The following OTOA variants were observed in gnomAD, a reference collection of about 807,000 sequenced individuals.
OTOA encodes the protein otoancorin.
Under a neutral mutation model 110.8 loss-of-function variants are expected in OTOA, and 70 were observed. The ratio of observed to expected loss-of-function variants is 0.63; its 90% CI spans 0.52 to 0.77. The LOEUF is 0.77. OTOA is among the 30% of genes least tolerant of loss of function. OTOA has a pLI of 0.00. For synonymous variants in OTOA, 373 were observed against 431.5 expected (o/e 0.86, Z 1.68); for missense variants, 917 against 1,075.8 (o/e 0.85, Z 2.06).
At chr16:21,708,832 T>G (rs538549879) in intron 12 of OTOA, among the ~76,000 whole-genome samples, 1 of 152,312 alleles carries the variant, frequency 6.6e-6, no homozygotes, top group Non-Finnish European at 1.5e-5. Flanking sequence ...GCTCATTGTA[T>G]AGTAGGTGAC....
chr16:21,715,168 C>G lies in OTOA; in HGVS notation c.1488+16C>G, dbSNP rs368341707. 4 of 1,613,916 alleles carry G rather than the reference C, an allele frequency of 2.5e-6. No homozygotes were observed. Among genetic ancestry groups the G allele is most frequent in the Non-Finnish European group, 3.4e-6 (4 of 1,179,938 alleles). ...CCTCAGCAAGGTGAGAGGAAGATGTCTGGTGCTCAGCCACATGTCACAGGG... is the reference window on the plus strand; with the variant it reads ...CCTCAGCAAGGTGAGAGGAAGATGTGTGGTGCTCAGCCACATGTCACAGGG... On this transcript the variant is annotated intron_variant, in intron 14 of 28. Coordinates refer to ENST00000646100, the MANE Select transcript of OTOA (RefSeq NM_144672.4).
intron 1 of OTOA, among the ~76,000 whole-genome samples, chr16:21,672,914 G>A (rs562502873): frequency 2.6e-5 from 4 of 152,230 alleles, no homozygotes; most frequent in Middle Eastern, 3.4e-3. Flanking sequence ...TTGGGAGGCC[G>A]AGATGGGAGG....
intron 21 of OTOA, among the ~76,000 whole-genome samples, chr16:21,732,815 C>T (rs1899159594): frequency 6.8e-6 from 1 of 146,638 alleles, no homozygotes; most frequent in Admixed American, 7.0e-5. Context: ...TTCAGAGTGA[C>T]AGTTACTTCT....
chr16:21,737,948 A>G (rs1227388110), intron 22 of OTOA, among the ~76,000 whole-genome samples: 193 of 152,278 alleles, frequency 1.3e-3, no homozygotes, highest in Admixed American at 2.1e-3. Flanking sequence ...TCCACCCAAC[A>G]AATATTCGTT....
chr16:21,697,972 C>A (rs1479905137), intron 10 of OTOA, 97 bp downstream of exon 10: 26 of 1,113,560 alleles, frequency 2.3e-5, no homozygotes, highest in Non-Finnish European at 3.4e-5. Context: ...AGTCAAGGTG[C>A]CTTGGAAATT....
intron 8 of OTOA, 54 bp from the exon 9 acceptor site, chr16:21,691,530 A>T: frequency 6.8e-7 from 1 of 1,471,288 alleles, no homozygotes; most frequent in Non-Finnish European, 9.5e-7. Flanking sequence ...CTCCCTTTTT[A>T]ATGCAGCCCC....
At chr16:21,694,474 A>G (rs1336720244) in intron 9 of OTOA, among the ~76,000 whole-genome samples, 1 of 151,932 alleles carries the variant, frequency 6.6e-6, no homozygotes, top group Admixed American at 6.6e-5. Flanking sequence ...AAATGTAAAA[A>G]CCACTTTTGG....
chr16:21,675,093 CTTTCTT>C (rs1966854907), intron 1 of OTOA, among the ~76,000 whole-genome samples: 1 of 128,592 alleles, frequency 7.8e-6, no homozygotes, highest in East Asian at 2.5e-4. Flanking sequence ...TTCTTTCTTT[CTTTCTT>C]TCTTTCTTTC....
In OTOA at chr16:21,717,060, AAC is replaced by A; in HGVS notation, c.1629+17_1629+18del. 5 of 1,614,006 alleles carry A rather than the reference AAC, an allele frequency of 3.1e-6. No homozygotes were observed. In the South Asian group the frequency reaches 4.4e-5, roughly 14 times the overall value. ...TGGAAGGAGCCAGGTATTACCATGA[AAC>A]ACAGATCGATCCTGTATTTCTGACT... On this transcript the variant is annotated intron_variant, in intron 15 of 28. Coordinates refer to ENST00000646100, the MANE Select transcript of OTOA (RefSeq NM_144672.4).
chr16:21,699,388 C>A (rs959253019), intron 10 of OTOA, among the ~76,000 whole-genome samples: 3 of 152,186 alleles, frequency 2.0e-5, no homozygotes, highest in Admixed American at 6.5e-5. Flanking sequence ...GTAATCCCAG[C>A]ACTTTGGGAG....
intron 20 of OTOA, chr16:21,729,540 A>G (rs1899041530): frequency 6.6e-6 from 1 of 152,132 alleles, no homozygotes; most frequent in Admixed American, 6.5e-5. Flanking sequence ...CATATTTTAC[A>G]TTAGGATTCA....
At chr16:21,734,692 C>T (rs1899227799) in intron 21 of OTOA, among the ~76,000 whole-genome samples, 1 of 151,644 alleles carries the variant, frequency 6.6e-6, no homozygotes. Context: ...AAAAAATTAG[C>T]CGGGCGTGGT....
At position 21,716,905 on chromosome 16, in the gene OTOA, AGATGGTCCAAGCG is replaced by A. The variant is rs1210565137; in HGVS notation, c.1490_1502del (p.Met497LysfsTer23). 1.2e-6 allele frequency: 2 copies of A among 1,613,766 alleles called. No individual in the cohort carries two copies. Among genetic ancestry groups the A allele is most frequent in the South Asian group, 2.2e-5 (2 of 91,078 alleles). ...TGTTTTGTTGCTTCTCGCTTCTGGCAGATGGTCCAAGCGGAAGACACTGCCCCAGGCATCGTGG... is the reference window on the plus strand; with the variant it reads ...TGTTTTGTTGCTTCTCGCTTCTGGCAGAAGACACTGCCCCAGGCATCGTGG... On this transcript the variant is annotated splice_acceptor_variant and coding_sequence_variant, in exon 15 of 29. Transcript: ENST00000646100. LOFTEE classifies it high-confidence loss of function.
At position 21,709,915 on chromosome 16, in the gene OTOA, A is replaced by G. The variant is rs1276817264; in HGVS notation, c.1132A>G (p.Met378Val). ...CAAAGCAGAACTCCTGGACATTGCC[A>G]TGGAGAACCAGACCCTCAATGAGAC... The part of the protein sequence containing the change: ...KLKAELLDIA[M>V]ENQTLNETLG... Residue 378 changes from methionine (M) to valine (V), a missense_variant, in exon 13 of 29, where the codon ATG (methionine) becomes GTG (valine). This residue lies in a region of OTOA where 840 missense variants were observed against 910.2 expected (regional missense o/e 0.92). Transcript: ENST00000646100. The G allele has an allele frequency of 4.3e-6, 7 of 1,613,878 alleles. No homozygotes were observed. Among genetic ancestry groups the G allele is most frequent in the South Asian group, 2.2e-5 (2 of 91,070 alleles).
intron 1 of OTOA, 40 bp from the exon 2 acceptor site, chr16:21,678,467 TATTA>T: frequency 8.9e-7 from 1 of 1,117,698 alleles, no homozygotes; most frequent in Non-Finnish European, 1.3e-6. Flanking sequence ...TATATATATA[TATTA>T]AAAAAACATG....
intron 9 of OTOA, among the ~76,000 whole-genome samples, chr16:21,694,571 G>C (rs1447495485): frequency 6.6e-6 from 1 of 152,144 alleles, no homozygotes; most frequent in Non-Finnish European, 1.5e-5. Context: ...AATCAGGGAA[G>C]ACCTCTCAAG....
chr16:21,695,891 A>ATATATTTTTTTTTTTTT (rs569493650), intron 9 of OTOA, among the ~76,000 whole-genome samples: 2 of 41,896 alleles, frequency 4.8e-5, no homozygotes, highest in Non-Finnish European at 7.4e-5. Context: ...ATATATATAT[A>ATATATTTTTTTTTTTTT]TTTTTTTTTT....
chr16:21,726,395 C>T, intron 18 of OTOA, 128 bp from the exon 19 acceptor site: 1 of 1,342,768 alleles, frequency 7.4e-7, no homozygotes, highest in Admixed American at 1.8e-5. Context: ...GGAGCCAAAG[C>T]ATCACTGGGA....
chr16:21,694,699 A>G (rs1174813591), intron 9 of OTOA, among the ~76,000 whole-genome samples: 1 of 152,186 alleles, frequency 6.6e-6, no homozygotes, highest in African/African-American at 2.4e-5. Context: ...GATGGGAATG[A>G]GCTCGGTGTG....
Sources: allele counts gnomAD v4.1 joint callset (sites outside exome capture counted in the v4.1 genomes callset), GRCh38; gene constraint gnomAD v4.1.1; regional missense constraint gnomAD v4.1.1; transcripts MANE v1.5; gene names NCBI Gene and HGNC (gene_info 2026-07-23, HGNC 2026-07-21).